DIAPH2: variants seen among roughly 807,000 people sequenced by gnomAD.
DIAPH2 encodes diaphanous related formin 2.
A neutral mutation model predicts 92.7 loss-of-function variants in DIAPH2; 35 were observed. The ratio of observed to expected loss-of-function variants is 0.38; its 90% CI spans 0.29 to 0.50. The LOEUF is 0.50. Among genes scored for constraint, DIAPH2 ranks in the 20% least tolerant of loss-of-function variants. The pLI is 0.94. For missense variants in DIAPH2, 701 were observed against 819.5 expected, an observed-to-expected ratio of 0.86 and a Z score of 1.77; for synonymous variants, 301 against 280.4, an observed-to-expected ratio of 1.07 and a Z score of -0.73.
rs145919432 is a variant in DIAPH2, at chrX:97,567,944, A to G, written c.3242-31309A>G. ...AGCGTGACCAACATGGTGAAACCCCATCTCTACTAAAAAGTACAAAAATTA... is the reference window on the plus strand; with the variant it reads ...AGCGTGACCAACATGGTGAAACCCCGTCTCTACTAAAAAGTACAAAAATTA... On this transcript the variant is annotated intron_variant, in intron 26 of 26. Coordinates refer to ENST00000324765, the MANE Select transcript of DIAPH2 (RefSeq NM_006729.5). Among the ~76,000 whole-genome samples the G allele has an allele frequency of 5.0e-3, 536 of 108,134 alleles. 4 individuals are homozygous for G. Among genetic ancestry groups the G allele is most frequent in the African/African-American group, 0.017 (507 of 29,689 alleles). 93.9% of individuals were successfully genotyped at this position (108,134 alleles called of 115,157 possible).
chrX:97,464,882 G>A (rs1324120827), intron 26 of DIAPH2, among the ~76,000 whole-genome samples: 1 of 111,540 alleles, frequency 9.0e-6, no homozygotes, highest in South Asian at 3.8e-4. Flanking sequence ...GAGTTTTGCT[G>A]TTGTTGCCCA....
At chrX:97,029,587 CTG>C (rs778794239) in intron 17 of DIAPH2, among the ~76,000 whole-genome samples, 14 of 110,921 alleles carry the variant, frequency 1.3e-4, no homozygotes, top group Non-Finnish European at 2.5e-4. Context: ...ATTTAAAAAA[CTG>C]TTGCCTAATC....
At chrX:96,727,058 A>G (rs2064024160) in intron 1 of DIAPH2, among the ~76,000 whole-genome samples, 1 of 112,196 alleles carries the variant, frequency 8.9e-6, no homozygotes, top group African/African-American at 3.2e-5. Flanking sequence ...CACAAGCCCC[A>G]ACCTTCTTAA....
chrX:97,060,094 G>A (rs2066586879), intron 17 of DIAPH2, among the ~76,000 whole-genome samples: 1 of 112,298 alleles, frequency 8.9e-6, no homozygotes, highest in Admixed American at 9.4e-5. Flanking sequence ...TTCCTGCTCT[G>A]TCTCTGTAGT....
intron 17 of DIAPH2, among the ~76,000 whole-genome samples, chrX:96,977,757 C>A (rs1179219390): frequency 9.1e-6 from 1 of 110,239 alleles, no homozygotes; most frequent in Non-Finnish European, 1.9e-5. Flanking sequence ...AATCTTGGCT[C>A]AGTGCAACCT....
chrX:97,558,172 T>C (rs779677406), intron 26 of DIAPH2, among the ~76,000 whole-genome samples: 1 of 112,025 alleles, frequency 8.9e-6, no homozygotes, highest in Non-Finnish European at 1.9e-5. Flanking sequence ...CACAGTCTAG[T>C]TGGGGAGACC....
chrX:96,919,508 G>A (rs773577898), intron 9 of DIAPH2, among the ~76,000 whole-genome samples: 1 of 111,115 alleles, frequency 9.0e-6, no homozygotes, highest in Non-Finnish European at 1.9e-5. Context: ...TTCTCATATT[G>A]TTGTTCAACA....
rs1234329662 is a variant in DIAPH2 at position 96,962,319 on chromosome X, A to T, written c.1936-2774A>T. On this transcript the variant is annotated intron_variant, in intron 16 of 26. Coordinates refer to ENST00000324765, the MANE Select transcript of DIAPH2 (RefSeq NM_006729.5). ...TATATACATATATATATACATATAT[A>T]TATACACATATATATATACATATAT... Among the ~76,000 whole-genome samples the T allele has an allele frequency of 1.6e-4, 9 of 54,828 alleles. 2 individuals carry two copies. The Admixed American group carries it at 1.9e-3, about 12-fold the overall frequency. The allele number at this position is 54,828 out of a possible 115,157, so 47.6% of individuals were successfully genotyped here. A position where few individuals can be genotyped will look rare whatever the true frequency, so the allele number is the denominator to read the frequency against.
rs56309139 is a variant in DIAPH2, at chrX:97,312,345, C to CT, written c.2845-35744dup. On this transcript the variant is annotated intron_variant, in intron 23 of 26. Coordinates refer to ENST00000324765, the MANE Select transcript of DIAPH2 (RefSeq NM_006729.5). Reference sequence around the variant, plus strand: ...TTGATCACTTTTGATCAATAGAATCCTTTTTTTTTTTTTTTTTTTTTTTTT... The same window carrying CT: ...TTGATCACTTTTGATCAATAGAATCCTTTTTTTTTTTTTTTTTTTTTTTTTT... Among the ~76,000 whole-genome samples the CT allele has an allele frequency of 1.2e-3, 65 of 54,946 alleles. 3 individuals carry two copies. Among genetic ancestry groups the CT allele is most frequent in the East Asian group, 6.0e-3 (8 of 1,326 alleles). 47.7% of individuals were successfully genotyped at this position (54,946 alleles called of 115,157 possible).
intron 23 of DIAPH2, among the ~76,000 whole-genome samples, chrX:97,303,132 T>C (rs2068720756): frequency 8.9e-6 from 1 of 112,841 alleles, no homozygotes; most frequent in African/African-American, 3.2e-5. Flanking sequence ...CTTTTACTTT[T>C]TCTTTTCTTT....
intron 4 of DIAPH2, among the ~76,000 whole-genome samples, chrX:96,842,644 C>T (rs1020691949): frequency 8.9e-6 from 1 of 111,946 alleles, no homozygotes; most frequent in Non-Finnish European, 1.9e-5. Flanking sequence ...GGAGTATCCC[C>T]ATTTTAGAGA....
At chrX:97,026,195 A>G (rs1356462033) in intron 17 of DIAPH2, among the ~76,000 whole-genome samples, 1 of 112,244 alleles carries the variant, frequency 8.9e-6, no homozygotes, top group Non-Finnish European at 1.9e-5. Context: ...GATAGTTTAT[A>G]TTTTGATAGT....
chrX:96,778,277 T>G (rs1479275436), intron 4 of DIAPH2, among the ~76,000 whole-genome samples: 2 of 111,001 alleles, frequency 1.8e-5, no homozygotes, highest in Non-Finnish European at 3.8e-5. Context: ...TTATTTGCTC[T>G]AATTTCTTAT....
intron 12 of DIAPH2, among the ~76,000 whole-genome samples, chrX:96,941,038 G>A (rs989865785): frequency 6.3e-5 from 7 of 110,892 alleles, no homozygotes; most frequent in African/African-American, 1.6e-4. Context: ...CTCTAGACCC[G>A]AAGATGACTT....
chrX:96,884,679 A>G (rs976944239), intron 5 of DIAPH2: 7 of 1,208,237 alleles, frequency 5.8e-6, no homozygotes, highest in Admixed American at 4.4e-5. Context: ...CAGTCGGAGT[A>G]TATGTCAAAG....
chrX:97,265,548 C>T (rs551068885), intron 23 of DIAPH2, among the ~76,000 whole-genome samples: 20 of 111,622 alleles, frequency 1.8e-4, no homozygotes, highest in South Asian at 7.5e-4. Context: ...GTCGTGGTGA[C>T]GTTTGAGCTG....
At chrX:96,700,964 T>C (rs2063851793) in intron 1 of DIAPH2, among the ~76,000 whole-genome samples, 1 of 112,363 alleles carries the variant, frequency 8.9e-6, no homozygotes, top group Non-Finnish European at 1.9e-5. Flanking sequence ...CCTTTTTTAA[T>C]TTGCTCCCCT....
At chrX:96,870,529 G>C (rs769022010) in intron 4 of DIAPH2, among the ~76,000 whole-genome samples, 1 of 109,073 alleles carries the variant, frequency 9.2e-6, no homozygotes, top group South Asian at 4.0e-4. Context: ...GCCCGCCTCG[G>C]CCTCCCAAAG....
intron 22 of DIAPH2, among the ~76,000 whole-genome samples, chrX:97,148,555 C>A (rs538635104): frequency 9.0e-6 from 1 of 110,983 alleles, no homozygotes. Context: ...TTTGTCCTTA[C>A]AATCTCGGTG....
Sources: gnomAD v4.1 joint callset for allele counts (sites outside exome capture counted in the v4.1 genomes callset) on GRCh38, gnomAD v4.1.1 for gene constraint, MANE v1.5 for transcripts, NCBI Gene and HGNC (gene_info 2026-07-23, HGNC 2026-07-21) for gene names.